Variants in LRP1B observed in about 807,000 individuals in gnomAD.
The protein encoded by LRP1B is low-density lipoprotein receptor-related protein 1B.
LRP1B carries 217 observed loss-of-function variants against 556.6 expected under a neutral mutation model. The observed-to-expected ratio is 0.39, with a 90% CI of 0.35 to 0.44. LRP1B has a LOEUF of 0.44. Among genes scored for constraint, LRP1B ranks in the 20% least tolerant of loss-of-function variants. LRP1B has a pLI of 1.00. For synonymous variants in LRP1B, 2,047 were observed against 1,865.8 expected (o/e 1.10, Z -2.50); for missense variants, 5,053 against 5,620.8 (o/e 0.90, Z 3.23).
intron 23 of LRP1B, among the ~76,000 whole-genome samples, chr2:140,888,980 AC>A (rs1693722732): frequency 6.7e-6 from 1 of 150,226 alleles, no homozygotes; most frequent in Non-Finnish European, 1.5e-5. Context: ...AAAAAAAAAA[AC>A]TTGAAATGAT....
At chr2:141,980,404 A>G (rs1702011191) in intron 1 of LRP1B, among the ~76,000 whole-genome samples, 2 of 152,166 alleles carry the variant, frequency 1.3e-5, no homozygotes, top group Admixed American at 6.6e-5. Context: ...TTATACAATG[A>G]TATAAGAAAA....
intron 2 of LRP1B, among the ~76,000 whole-genome samples, chr2:141,744,165 C>T (rs915963923): frequency 2.6e-5 from 4 of 151,942 alleles, no homozygotes; most frequent in Admixed American, 2.0e-4. Context: ...CAGTGTATCC[C>T]ATAGATTTTA....
At chr2:141,344,574 A>G (rs1688179035) in intron 3 of LRP1B, among the ~76,000 whole-genome samples, 1 of 151,992 alleles carries the variant, frequency 6.6e-6, no homozygotes, top group African/African-American at 2.4e-5. Context: ...GACATTCTTT[A>G]TTCTTCTTTC....
intron 18 of LRP1B, among the ~76,000 whole-genome samples, chr2:140,978,083 T>G (rs1169529200): frequency 6.6e-6 from 1 of 152,208 alleles, no homozygotes; most frequent in Admixed American, 6.5e-5. Flanking sequence ...ATGTGAAGAC[T>G]ACTAAAAAAG....
At chr2:140,614,521 T>C (rs1683191459) in intron 41 of LRP1B, among the ~76,000 whole-genome samples, 1 of 152,152 alleles carries the variant, frequency 6.6e-6, no homozygotes, top group Non-Finnish European at 1.5e-5. Flanking sequence ...TGAATATCTA[T>C]TCTAAACAAA....
At chr2:141,854,474 G>A (rs758874009) in intron 1 of LRP1B, among the ~76,000 whole-genome samples, 8 of 151,950 alleles carry the variant, frequency 5.3e-5, no homozygotes, top group African/African-American at 1.7e-4. Flanking sequence ...TGAATAACTC[G>A]TAAGCAATCA....
At chr2:140,664,006 G>A (rs1357537517) in intron 41 of LRP1B, among the ~76,000 whole-genome samples, 1 of 152,116 alleles carries the variant, frequency 6.6e-6, no homozygotes, top group Admixed American at 6.6e-5. Flanking sequence ...AAGACACAGG[G>A]AAGGACCGGC....
At position 140,868,235 on chromosome 2, in the gene LRP1B, T is replaced by C. The variant is rs2105156652; in HGVS notation, c.4198A>G (p.Asn1400Asp). 6.3e-7 allele frequency: 1 copy of C among 1,595,682 alleles called. No homozygotes were observed. Among genetic ancestry groups the C allele is most frequent in the Non-Finnish European group, 8.5e-7 (1 of 1,173,212 alleles). Residue 1400 changes from asparagine (N) to aspartate (D), a missense_variant, in exon 26 of 91, where the codon AAT becomes GAT. Physicochemically the swap from Asn to Asp is conservative, Grantham distance 23. Around this residue, in one of 5 missense-constraint regions of LRP1B, gnomAD observed 3,619 missense variants for 3,931.9 expected, o/e 0.92. Transcript: ENST00000389484. ...GILFWTDWDANFPRIESASMS... is the reference protein window; with the variant it reads ...GILFWTDWDADFPRIESASMS... ...GAGGCAGATTCAATGCGAGGAAAAT[T>C]TGCATCCCAGTCTGTCCAGAAAAGA...
intron 77 of LRP1B, among the ~76,000 whole-genome samples, chr2:140,350,095 C>T (rs545130093): frequency 1.3e-5 from 2 of 151,976 alleles, no homozygotes; most frequent in Non-Finnish European, 2.9e-5. Flanking sequence ...ATGGGCCAGG[C>T]CCTATAAAAA....
chr2:140,313,034 C>T (rs1194409548), intron 83 of LRP1B, among the ~76,000 whole-genome samples: 1 of 151,874 alleles, frequency 6.6e-6, no homozygotes, highest in African/African-American at 2.4e-5. Flanking sequence ...ATGAATTGCT[C>T]ACTGGGATTT....
intron 3 of LRP1B, among the ~76,000 whole-genome samples, chr2:141,419,461 A>G (rs965641233): frequency 2.0e-5 from 3 of 152,174 alleles, no homozygotes; most frequent in African/African-American, 7.2e-5. Flanking sequence ...CTTACTGGTC[A>G]TAGATCTGTT....
intron 2 of LRP1B, among the ~76,000 whole-genome samples, chr2:141,628,344 T>C (rs987063075): frequency 2.1e-4 from 32 of 152,306 alleles, no homozygotes; most frequent in African/African-American, 7.0e-4. Context: ...AATTCATTAG[T>C]AGTCTTCTTT....
chr2:140,357,211 G>C (rs946234937), intron 74 of LRP1B, among the ~76,000 whole-genome samples: 3 of 151,584 alleles, frequency 2.0e-5, no homozygotes, highest in Non-Finnish European at 4.4e-5. Context: ...TCAAATTTTT[G>C]AGAAATGTGA....
At chr2:141,328,611 A>G (rs189831414) in intron 3 of LRP1B, among the ~76,000 whole-genome samples, 2 of 152,216 alleles carry the variant, frequency 1.3e-5, no homozygotes, top group African/African-American at 2.4e-5. Flanking sequence ...CTCTACTTCA[A>G]GGTATTCTGC....
At chr2:142,085,714 G>C (rs1705892192) in intron 1 of LRP1B, among the ~76,000 whole-genome samples, 1 of 152,102 alleles carries the variant, frequency 6.6e-6, no homozygotes, top group African/African-American at 2.4e-5. Context: ...TTATATGTGG[G>C]CTATGCAATG....
At chr2:141,557,397 A>G (rs1237777266) in intron 2 of LRP1B, among the ~76,000 whole-genome samples, 2 of 151,906 alleles carry the variant, frequency 1.3e-5, no homozygotes, top group Admixed American at 1.3e-4. Context: ...CATACTGGGA[A>G]AACCTTGGGT....
chr2:141,204,317 C>G (rs980137092), intron 6 of LRP1B, among the ~76,000 whole-genome samples: 2 of 152,118 alleles, frequency 1.3e-5, no homozygotes, highest in Non-Finnish European at 2.9e-5. Flanking sequence ...ATTTGTTTGA[C>G]ATGGGTAGAA....
At chr2:141,707,527 T>C (rs1202303171) in intron 2 of LRP1B, among the ~76,000 whole-genome samples, 1 of 152,156 alleles carries the variant, frequency 6.6e-6, no homozygotes, top group African/African-American at 2.4e-5. Context: ...CAGAGAAATG[T>C]TGTGGCAAGT....
At chr2:140,755,875 G>A (rs1370566340) in intron 35 of LRP1B, among the ~76,000 whole-genome samples, 1 of 151,890 alleles carries the variant, frequency 6.6e-6, no homozygotes, top group African/African-American at 2.4e-5. Context: ...GAAGAAGGAG[G>A]AGGAGGAGTA....
Sources: gnomAD v4.1 joint callset for allele counts (sites outside exome capture counted in the v4.1 genomes callset) on GRCh38, gnomAD v4.1.1 for gene constraint, gnomAD v4.1.1 regional missense constraint, MANE v1.5 for transcripts, NCBI Gene and HGNC (gene_info 2026-07-23, HGNC 2026-07-21) for gene names.